The following CYP4F3 variants were observed in gnomAD, a reference collection of about 807,000 sequenced individuals.
CYP4F3 encodes cytochrome P450 4F3.
Under a neutral mutation model 54.8 loss-of-function variants are expected in CYP4F3, and 50 were observed. The observed-to-expected ratio is 0.91, with a 90% confidence interval of 0.73 to 1.16. The LOEUF (loss-of-function observed/expected upper bound fraction) is 1.16, where lower values mean the gene tolerates loss of function less well. Among genes scored for constraint, CYP4F3 ranks in the 50% most tolerant of loss-of-function variants. The probability of loss-of-function intolerance (pLI) is 0.00; values close to 1 mark genes in which losing one functional copy is unlikely to be tolerated. For missense variants in CYP4F3, 715 were observed against 676.2 expected, an observed-to-expected ratio of 1.06 and a Z score of -0.64; for synonymous variants, 244 against 262.6, an observed-to-expected ratio of 0.93 and a Z score of 0.69.
chr19:15,654,026 G>A (rs1972947463), intron 9 of CYP4F3, among the ~76,000 whole-genome samples: 1 of 152,108 alleles, frequency 6.6e-6, no homozygotes, highest in Admixed American at 6.5e-5. Flanking sequence ...GTGTACTGGA[G>A]AGGACCAGCT....
At chr19:15,646,711 T>A (rs1568394269) in intron 3 of CYP4F3, among the ~76,000 whole-genome samples, 1 of 152,086 alleles carries the variant, frequency 6.6e-6, no homozygotes, top group Non-Finnish European at 1.5e-5. Context: ...ACAGACAGGG[T>A]GTCCTAAGTC....
rs552955475 is a variant in CYP4F3 at position 15,647,157 on chromosome 19, G to A, written c.398-40G>A. 4.3e-6 allele frequency: 7 copies of A among 1,613,980 alleles called. No homozygotes were observed. In the South Asian group the frequency reaches 4.4e-5, roughly 10 times the overall value. ...GGGAACAACCTGGGGGGCCAGGGGAGGGAGATGCCCTTGCCCATGGCCCTT... is the reference window on the plus strand; with the variant it reads ...GGGAACAACCTGGGGGGCCAGGGGAAGGAGATGCCCTTGCCCATGGCCCTT... On this transcript the variant is annotated intron_variant, in intron 4 of 12. Transcript: ENST00000221307.
At chr19:15,654,013 A>C (rs1030252407) in intron 9 of CYP4F3, among the ~76,000 whole-genome samples, 3 of 152,072 alleles carry the variant, frequency 2.0e-5, no homozygotes, top group Non-Finnish European at 4.4e-5. Flanking sequence ...GCTAGTGTGG[A>C]GGGTGTACTG....
At chr19:15,655,838 G>A (rs1435730166) in intron 9 of CYP4F3, among the ~76,000 whole-genome samples, 5 of 152,210 alleles carry the variant, frequency 3.3e-5, no homozygotes, top group Admixed American at 6.5e-5. Flanking sequence ...ACAGTATGAT[G>A]TTGTGATATA....
Position 15,647,117 on chromosome 19 carries a change from T to C in CYP4F3, c.397+12T>C, listed in dbSNP as rs1290626. 1,014,135 of 1,613,962 alleles carry C rather than the reference T, an allele frequency of 0.63. 323,121 individuals are homozygous for C. Among genetic ancestry groups the C allele is most frequent in the African/African-American group, 0.85 (63,387 of 74,980 alleles). Reference sequence around the variant, plus strand: ...GAAGCCCTGGCTGGGTGAGTATCTGTAGGTGAACAGGGTTGGGAACAACCT... The same window carrying C: ...GAAGCCCTGGCTGGGTGAGTATCTGCAGGTGAACAGGGTTGGGAACAACCT... On this transcript the variant is annotated intron_variant, in intron 4 of 12. Transcript: ENST00000221307.
At chr19:15,655,259 G>A (rs1915381) in intron 9 of CYP4F3, among the ~76,000 whole-genome samples, 31,666 of 152,108 alleles carry the variant, frequency 0.21, 3,600 homozygotes, top group Middle Eastern at 0.27. Context: ...AGCTGCTTAT[G>A]TATTCTGGTT....
chr19:15,658,521 C>T lies in CYP4F3; in HGVS notation c.1280C>T (p.Thr427Ile), dbSNP rs760075788. Residue 427 changes from threonine to isoleucine, a missense_variant, in exon 11 of 13, where the codon ACC becomes ATC. Coordinates refer to ENST00000221307, the MANE Select transcript of CYP4F3 (RefSeq NM_000896.3). ...ATCTGCCTCATCAGTGTTTTTGGAA[C>T]CCATCACAACCCAGCCGTGTGGCCG... ...GIICLISVFG[T>I]HHNPAVWPDP... The T allele has an allele frequency of 1.6e-5, 26 of 1,614,074 alleles. No homozygotes were observed. The highest frequency in any genetic ancestry group is 2.1e-5 in the Non-Finnish European group (25 of 1,180,040).
rs1430846843 is a variant in CYP4F3 at position 15,647,303 on chromosome 19, T to C, written c.504T>C (p.Asn168=). ...NILKPYMKIF[N]ESVNIMHAKW... ...TGAAGCCCTATATGAAGATTTTCAA[T>C]GAGAGTGTGAACATCATGCATGTGA... The change falls in exon 5 of 13, where the codon AAT becomes AAC. Residue 168 remains asparagine (N), a synonymous_variant. Transcript: ENST00000221307. 2.5e-6 allele frequency: 4 copies of C among 1,614,118 alleles called. No homozygotes were observed. The highest frequency in any genetic ancestry group is 1.1e-5 in the South Asian group (1 of 91,090).
chr19:15,649,840 C>T, intron 6 of CYP4F3, 73 bp from the exon 7 acceptor site: 2 of 1,575,060 alleles, frequency 1.3e-6, no homozygotes, highest in Non-Finnish European at 8.6e-7. Context: ...TAGCTCCTAG[C>T]TGCTGGTGGG....
At chr19:15,658,935 G>A in intron 12 of CYP4F3, 126 bp downstream of exon 12, 1 of 1,358,398 alleles carries the variant, frequency 7.4e-7, no homozygotes, top group Non-Finnish European at 1.0e-6. Context: ...ACCTCCTCTG[G>A]AGTTTATGGG....
intron 9 of CYP4F3, among the ~76,000 whole-genome samples, chr19:15,656,380 AG>A: frequency 6.6e-6 from 1 of 152,194 alleles, no homozygotes; most frequent in East Asian, 1.9e-4. Context: ...GAGACATTAC[AG>A]ATAAGACTAG....
At chr19:15,646,093 T>C (rs1352177940) in intron 3 of CYP4F3, among the ~76,000 whole-genome samples, 1 of 152,212 alleles carries the variant, frequency 6.6e-6, no homozygotes, top group African/African-American at 2.4e-5. Flanking sequence ...TGGTCAAGTC[T>C]GCTGTACGGC....
At chr19:15,650,353 C>T (rs577418420) in intron 7 of CYP4F3, 170 bp downstream of exon 7, 120 of 1,298,486 alleles carry the variant, frequency 9.2e-5, no homozygotes, top group Non-Finnish European at 1.2e-4. Flanking sequence ...TGGACTAGCA[C>T]CTACCAGGGG....
chr19:15,646,901 A>ATCCTGC (rs1972641533), intron 3 of CYP4F3, 151 bp from the exon 4 acceptor site: 3 of 1,088,788 alleles, frequency 2.8e-6, no homozygotes, highest in Non-Finnish European at 3.9e-6. Flanking sequence ...CCCCTCCCCC[A>ATCCTGC]TCCTGCCTTC....
In CYP4F3 at chr19:15,658,560, G is replaced by A. The variant is rs1189187503; in HGVS notation, c.1314+5G>A. On this transcript the variant is annotated splice_donor_5th_base_variant and intron_variant, in intron 11 of 12. Coordinates refer to ENST00000221307, the MANE Select transcript of CYP4F3 (RefSeq NM_000896.3). The stretch of plus-strand genomic sequence containing the variant: ...GCCGTGTGGCCGGACCCTGAGGTGC[G>A]GGCCCCCCGTCTCTGTTTTTGTCCA... 17 of 1,613,858 alleles carry A rather than the reference G, an allele frequency of 1.1e-5. No individual in the cohort carries two copies. Among genetic ancestry groups the A allele is most frequent in the East Asian group, 2.2e-5 (1 of 44,872 alleles).
At position 15,643,421 on chromosome 19, in the gene CYP4F3, G is replaced by T. The variant is rs374753034; in HGVS notation, c.198+1808G>T. On this transcript the variant is annotated intron_variant, in intron 2 of 12. Transcript: ENST00000221307. Reference sequence around the variant, plus strand: ...ATATAGGTAAATAGATAGATAGATAGATAGATAGATAGATAGATAGATAGA... The same window carrying T: ...ATATAGGTAAATAGATAGATAGATATATAGATAGATAGATAGATAGATAGA... Among the ~76,000 whole-genome samples the T allele has an allele frequency of 7.4e-4, 112 of 151,530 alleles. 1 individual carries two copies. In the South Asian group the frequency reaches 9.6e-3, roughly 13 times the overall value.
chr19:15,658,169 T>A (rs1973077894), intron 9 of CYP4F3, 95 bp from the exon 10 acceptor site: 6 of 1,565,168 alleles, frequency 3.8e-6, no homozygotes, highest in Non-Finnish European at 4.3e-6. Context: ...TTTATTTCGT[T>A]ACAGGGAGAA....
intron 2 of CYP4F3, among the ~76,000 whole-genome samples, chr19:15,642,980 G>A (rs764851185): frequency 6.6e-6 from 1 of 152,052 alleles, no homozygotes; most frequent in Non-Finnish European, 1.5e-5. Context: ...GATAGGTAGA[G>A]TGGATATGTA....
At chr19:15,641,708 T>G in intron 2 of CYP4F3, 95 bp downstream of exon 2, 3 of 1,031,124 alleles carry the variant, frequency 2.9e-6, no homozygotes, top group Non-Finnish European at 4.4e-6. Context: ...TGGGCTGGGG[T>G]CTGGGGTGGC....
Sources: gnomAD v4.1 joint callset for allele counts (sites outside exome capture counted in the v4.1 genomes callset) on GRCh38, gnomAD v4.1.1 for gene constraint, MANE v1.5 for transcripts, NCBI Gene and HGNC (gene_info 2026-07-23, HGNC 2026-07-21) for gene names.